GABRR3: variants seen among roughly 807,000 people sequenced by gnomAD.
The protein encoded by GABRR3 is gamma-aminobutyric acid type A receptor subunit rho3, also known as gamma-aminobutyric acid receptor subunit rho-3.
Under a neutral mutation model 43.2 loss-of-function variants are expected in GABRR3, and 29 were observed. That is an observed-to-expected ratio of 0.67 (90% CI 0.50 to 0.92). The LOEUF is 0.92. GABRR3 is among the 40% of genes least tolerant of loss of function. The pLI is 0.00. For synonymous variants in GABRR3, 206 were observed against 195.9 expected (o/e 1.05, Z -0.43); for missense variants, 576 against 572.3 (o/e 1.01, Z -0.07).
chr3:98,029,204 A>G (rs895138028), intron 2 of GABRR3, among the ~76,000 whole-genome samples: 2 of 152,140 alleles, frequency 1.3e-5, no homozygotes, highest in Non-Finnish European at 2.9e-5. Flanking sequence ...ACAAAGTATT[A>G]TGAAGATTGA....
At chr3:98,029,318 C>T (rs953835911) in intron 2 of GABRR3, among the ~76,000 whole-genome samples, 3 of 152,130 alleles carry the variant, frequency 2.0e-5, no homozygotes, top group African/African-American at 4.8e-5. Flanking sequence ...TATGCTCCCT[C>T]TTCTCAGTGT....
chr3:97,992,879 C>T (rs1358269104), exon 9 of GABRR3: 4 of 1,611,038 alleles, frequency 2.5e-6, no homozygotes, highest in Non-Finnish European at 3.4e-6. Context: ...ATTGTTTCCG[C>T]TCTTCCACTG....
rs574041112 is a variant in GABRR3 at position 98,010,870 on chromosome 3, C to T, written c.530+1474G>A. Among the ~76,000 whole-genome samples the T allele has an allele frequency of 8.5e-5, 13 of 152,230 alleles. No individual in the cohort carries two copies. The South Asian group carries it at 1.5e-3, about 17-fold the overall frequency. On this transcript the variant is annotated intron_variant, in intron 5 of 9. Transcript: ENST00000621172. ...ACGCCAGTACTTTGGGGGGCCGAGG[C>T]GGGCAGATCATTTGAGGTCAGGAGT...
intron 3 of GABRR3, among the ~76,000 whole-genome samples, chr3:98,018,689 C>T (rs1706902601): frequency 6.6e-6 from 1 of 152,006 alleles, no homozygotes; most frequent in South Asian, 2.1e-4. Context: ...GTTCTCTTTC[C>T]ATATAAGCCA....
intron 3 of GABRR3, among the ~76,000 whole-genome samples, chr3:98,023,849 T>C (rs1217215419): frequency 6.6e-6 from 1 of 152,206 alleles, no homozygotes; most frequent in Non-Finnish European, 1.5e-5. Flanking sequence ...ACAGCGATTC[T>C]CTGGCCTCAG....
chr3:98,010,050 G>C (rs1170337834), intron 5 of GABRR3, among the ~76,000 whole-genome samples: 1 of 152,204 alleles, frequency 6.6e-6, no homozygotes, highest in African/African-American at 2.4e-5. Flanking sequence ...TGGCTCTGCT[G>C]TTGGCTGGAA....
chr3:97,996,189 G>A (rs1048770982), intron 8 of GABRR3, among the ~76,000 whole-genome samples: 4 of 152,184 alleles, frequency 2.6e-5, no homozygotes, highest in African/African-American at 9.6e-5. Flanking sequence ...TGTGTTGCAG[G>A]TAGTTCTTTT....
At chr3:97,991,355 T>C (rs942807329) in intron 9 of GABRR3, among the ~76,000 whole-genome samples, 1 of 152,130 alleles carries the variant, frequency 6.6e-6, no homozygotes, top group African/African-American at 2.4e-5. Context: ...TAGTCTCAGG[T>C]CCCACCCCAA....
chr3:97,986,852 A>G (rs1381640261), exon 10 of GABRR3: 6 of 1,612,504 alleles, frequency 3.7e-6, no homozygotes, highest in Middle Eastern at 1.6e-4. Context: ...GGGGCTGCAT[A>G]TCGATTTTCT....
At chr3:98,030,330 C>A (rs1707072653) in intron 2 of GABRR3, among the ~76,000 whole-genome samples, 1 of 152,106 alleles carries the variant, frequency 6.6e-6, no homozygotes, top group South Asian at 2.1e-4. Flanking sequence ...ATAGTGCAAA[C>A]TTGAAAATAA....
chr3:98,019,470 C>A (rs376299954), intron 3 of GABRR3, among the ~76,000 whole-genome samples: 2 of 152,134 alleles, frequency 1.3e-5, no homozygotes, highest in East Asian at 3.8e-4. Flanking sequence ...TGGCCAGGCA[C>A]AGGGATGGCA....
At chr3:98,022,424 G>A (rs1231900658) in intron 3 of GABRR3, among the ~76,000 whole-genome samples, 1 of 152,210 alleles carries the variant, frequency 6.6e-6, no homozygotes, top group Non-Finnish European at 1.5e-5. Context: ...CAAGAGAAGT[G>A]CTGAAGTTAA....
chr3:97,985,531 CAT>C (rs1212268380), downstream of GABRR3, among the ~76,000 whole-genome samples: 1 of 152,222 alleles, frequency 6.6e-6, no homozygotes, highest in South Asian at 2.1e-4. Context: ...ACATTCGTCA[CAT>C]GTTTTATAGC....
intron 7 of GABRR3, 50 bp downstream of exon 7, chr3:98,007,714 C>T (rs779491345): frequency 6.2e-7 from 1 of 1,602,766 alleles, no homozygotes; most frequent in East Asian, 2.2e-5. Flanking sequence ...GCTTTGCAAA[C>T]AGTAGATGTC....
chr3:98,035,265 C>T (rs946523458), exon 1 of GABRR3: 3 of 378,362 alleles, frequency 7.9e-6, no homozygotes, highest in African/African-American at 2.0e-5. Context: ...TCCCTTTTTC[C>T]GGGGAAGGTT....
At chr3:98,018,170 T>C (rs1024751358) in intron 3 of GABRR3, among the ~76,000 whole-genome samples, 22 of 152,276 alleles carry the variant, frequency 1.4e-4, no homozygotes, top group Middle Eastern at 3.4e-3. Flanking sequence ...ATCCTTGACG[T>C]GGGCAATGTT....
chr3:98,030,326 C>T (rs1707072603), intron 2 of GABRR3, among the ~76,000 whole-genome samples: 1 of 151,902 alleles, frequency 6.6e-6, no homozygotes, highest in Admixed American at 6.6e-5. Flanking sequence ...TATAATAGTG[C>T]AAACTTGAAA....
chr3:98,012,054 G>T (rs1215239272), intron 5 of GABRR3, among the ~76,000 whole-genome samples: 1 of 152,128 alleles, frequency 6.6e-6, no homozygotes, highest in African/African-American at 2.4e-5. Context: ...AGGAAAACAG[G>T]CTTGTTTACT....
At chr3:97,999,106 A>G (rs1214871443) in intron 8 of GABRR3, 2 of 152,152 alleles carry the variant, frequency 1.3e-5, no homozygotes, top group African/African-American at 4.8e-5. Flanking sequence ...AATGAGGAAA[A>G]GTGAAGAGAA....
Sources: allele counts gnomAD v4.1 joint callset (sites outside exome capture counted in the v4.1 genomes callset), GRCh38; gene constraint gnomAD v4.1.1; transcripts MANE v1.5; gene names NCBI Gene and HGNC (gene_info 2026-07-23, HGNC 2026-07-21).